SLC9A9: variants seen among roughly 807,000 people sequenced by gnomAD.
The protein encoded by SLC9A9 is solute carrier family 9 member A9, also known as sodium/hydrogen exchanger 9.
A neutral mutation model predicts 77.8 loss-of-function variants in SLC9A9; 62 were observed. The ratio of observed to expected loss-of-function variants is 0.80; its 90% CI spans 0.65 to 0.98. The LOEUF (loss-of-function observed/expected upper bound fraction) is 0.98, where lower values mean the gene tolerates loss of function less well. SLC9A9 is among the 50% of genes least tolerant of loss of function. The pLI, the probability that SLC9A9 is intolerant of heterozygous loss-of-function variation, is 0.00. For synonymous variants in SLC9A9, 320 were observed against 283.5 expected (o/e 1.13, Z -1.29); for missense variants, 775 against 774.9 (o/e 1.00, Z 0.00).
In SLC9A9 at chr3:143,664,489, G is replaced by T. The variant is rs925164683; in HGVS notation, c.650-12129C>A. On this transcript the variant is annotated intron_variant, in intron 5 of 15. Coordinates refer to ENST00000316549, the MANE Select transcript of SLC9A9 (RefSeq NM_173653.4). ...AATTCACACATAACAATATTAACCT[G>T]AAATGTAAATGGGCTAAATGCTCCA... Among the ~76,000 whole-genome samples the T allele has an allele frequency of 3.9e-5, 6 of 152,172 alleles. No individual in the cohort carries two copies. In the South Asian group the frequency reaches 6.2e-4, roughly 16 times the overall value.
rs77981007 is a variant in SLC9A9, at chr3:143,748,093, A to T, written c.533+46908T>A. Among the ~76,000 whole-genome samples, 1,122 of 152,322 alleles carry T rather than the reference A, an allele frequency of 7.4e-3. 17 individuals are homozygous for T. The highest frequency in any genetic ancestry group is 0.025 in the African/African-American group (1,044 of 41,576). On this transcript the variant is annotated intron_variant, in intron 4 of 15. Transcript: ENST00000316549. ...ACTGCCTCTAAGTTAGTTGACACTG[A>T]ACTTAGTTTCAAGAATTCCAAATTG...
chr3:143,765,193 C>T (rs2007275383), intron 4 of SLC9A9, among the ~76,000 whole-genome samples: 1 of 149,208 alleles, frequency 6.7e-6, no homozygotes, highest in African/African-American at 2.5e-5. Context: ...ACCCTTCCTC[C>T]CTTTCTCTCT....
intron 4 of SLC9A9, among the ~76,000 whole-genome samples, chr3:143,697,840 G>A (rs1260390089): frequency 2.0e-5 from 3 of 151,952 alleles, no homozygotes; most frequent in African/African-American, 7.2e-5. Context: ...AAAATAAAAA[G>A]CCCAGTTCAG....
At chr3:143,447,899 G>T (rs903456231) in intron 12 of SLC9A9, among the ~76,000 whole-genome samples, 28 of 152,086 alleles carry the variant, frequency 1.8e-4, no homozygotes, top group Non-Finnish European at 1.5e-5. Flanking sequence ...ACAAAGGCAG[G>T]GATTTCTATG....
At chr3:143,431,658 T>G (rs561250142) in intron 12 of SLC9A9, among the ~76,000 whole-genome samples, 1 of 152,124 alleles carries the variant, frequency 6.6e-6, no homozygotes, top group Non-Finnish European at 1.5e-5. Flanking sequence ...ATTTTTTGTA[T>G]TTTTAATAGA....
intron 9 of SLC9A9, among the ~76,000 whole-genome samples, chr3:143,525,354 T>C (rs142018387): frequency 1.3e-5 from 2 of 152,178 alleles, no homozygotes; most frequent in Non-Finnish European, 2.9e-5. Context: ...TGAGGTAGAT[T>C]CTATCTGATC....
At chr3:143,624,769 A>T (rs11715331) in intron 6 of SLC9A9, among the ~76,000 whole-genome samples, 45,092 of 151,810 alleles carry the variant, frequency 0.3, 6,879 homozygotes, top group African/African-American at 0.36. Context: ...TGGCCAGGGC[A>T]ATCAGGCAGG....
intron 12 of SLC9A9, among the ~76,000 whole-genome samples, chr3:143,397,121 T>C (rs1421467559): frequency 6.6e-6 from 1 of 152,148 alleles, no homozygotes; most frequent in Non-Finnish European, 1.5e-5. Flanking sequence ...CATTAGAAAC[T>C]AGATTGAAAA....
At position 143,762,012 on chromosome 3, in the gene SLC9A9, T is replaced by C. The variant is rs540486339; in HGVS notation, c.533+32989A>G. ...TACACCATGGAATACTATGCAGCCA[T>C]AAAGAAGGATGGGTTCATGTCCTTT... On this transcript the variant is annotated intron_variant, in intron 4 of 15. Transcript: ENST00000316549. 2.6e-5 allele frequency among the ~76,000 whole-genome samples: 4 copies of C among 152,242 alleles called. No homozygotes were observed. In the East Asian group the frequency reaches 5.8e-4, roughly 22 times the overall value.
intron 4 of SLC9A9, among the ~76,000 whole-genome samples, chr3:143,745,558 T>C (rs374968783): frequency 1.3e-5 from 2 of 152,326 alleles, no homozygotes; most frequent in South Asian, 2.1e-4. Context: ...GGGACTAAAC[T>C]CTTAAGCCCA....
chr3:143,327,096 G>A (rs893953334), intron 14 of SLC9A9, among the ~76,000 whole-genome samples: 7 of 149,420 alleles, frequency 4.7e-5, no homozygotes, highest in East Asian at 4.0e-4. Context: ...GCCAGGAGAC[G>A]GAAACATAGT....
intron 9 of SLC9A9, among the ~76,000 whole-genome samples, chr3:143,529,546 A>G (rs1179904374): frequency 6.6e-6 from 1 of 152,160 alleles, no homozygotes; most frequent in Non-Finnish European, 1.5e-5. Context: ...TACCAGGTGA[A>G]TTGAACACAT....
intron 9 of SLC9A9, among the ~76,000 whole-genome samples, chr3:143,539,897 A>AGT (rs952470300): frequency 3.3e-5 from 5 of 150,932 alleles, no homozygotes; most frequent in African/African-American, 4.8e-5. Context: ...AGAGAGAGAG[A>AGT]GTGTGCAAGT....
chr3:143,594,613 T>G (rs2108681392), intron 6 of SLC9A9, among the ~76,000 whole-genome samples: 1 of 152,288 alleles, frequency 6.6e-6, no homozygotes, highest in East Asian at 1.9e-4. Flanking sequence ...AGTTTGTGCA[T>G]CAACGAAAGG....
chr3:143,383,953 A>G (rs923956467), intron 12 of SLC9A9, among the ~76,000 whole-genome samples: 1 of 152,220 alleles, frequency 6.6e-6, no homozygotes, highest in African/African-American at 2.4e-5. Context: ...TTCACAGGTA[A>G]GTGTCTTCTG....
intron 6 of SLC9A9, chr3:143,620,636 T>G (rs2038189689): frequency 6.6e-6 from 1 of 152,280 alleles, no homozygotes; most frequent in South Asian, 2.1e-4. Flanking sequence ...AACAGGGGGG[T>G]GGAGCCAAGA....
At chr3:143,623,059 G>C (rs551423802) in intron 6 of SLC9A9, among the ~76,000 whole-genome samples, 14 of 152,304 alleles carry the variant, frequency 9.2e-5, no homozygotes, top group African/African-American at 3.4e-4. Flanking sequence ...AACAAGAAGA[G>C]CTAACTATCC....
At chr3:143,783,862 G>T (rs1434447717) in intron 4 of SLC9A9, among the ~76,000 whole-genome samples, 1 of 152,128 alleles carries the variant, frequency 6.6e-6, no homozygotes, top group Non-Finnish European at 1.5e-5. Context: ...TGTAATAAAG[G>T]CCATAGGGCA....
chr3:143,520,661 A>G (rs1414979493), intron 9 of SLC9A9, among the ~76,000 whole-genome samples: 2 of 152,226 alleles, frequency 1.3e-5, no homozygotes, highest in African/African-American at 4.8e-5. Flanking sequence ...AGATGAGAAA[A>G]CAAAAGCCCA....
Sources: gnomAD v4.1 joint callset for allele counts (sites outside exome capture counted in the v4.1 genomes callset) on GRCh38, gnomAD v4.1.1 for gene constraint, MANE v1.5 for transcripts, NCBI Gene and HGNC (gene_info 2026-07-23, HGNC 2026-07-21) for gene names.